The following IGBP1 variants were observed in gnomAD, a reference collection of about 807,000 sequenced individuals.
IGBP1 encodes immunoglobulin-binding protein 1.
In IGBP1, 2 loss-of-function variants were observed where a neutral mutation model predicts 25.9. The ratio of observed to expected loss-of-function variants is 0.08; its 90% CI spans 0.03 to 0.24. The LOEUF (loss-of-function observed/expected upper bound fraction) is 0.24. IGBP1 is among the 10% of genes least tolerant of loss of function. The pLI, the probability that IGBP1 is intolerant of heterozygous loss-of-function variation, is 1.00. For missense variants in IGBP1, 187 were observed against 260.4 expected, an observed-to-expected ratio of 0.72 and a Z score of 1.94; for synonymous variants, 96 against 93.4, an observed-to-expected ratio of 1.03 and a Z score of -0.16.
chrX:70,152,461 T>C (rs2085209128), intron 6 of IGBP1, among the ~76,000 whole-genome samples: 2 of 31,508 alleles, frequency 6.3e-5, no homozygotes, highest in Non-Finnish European at 1.0e-4. Context: ...CCTAAGCTAT[T>C]AGACATGAAA....
rs1569425676 is a variant in IGBP1, at chrX:70,165,810, CCTTT to C, written c.872-20_872-17del. 8.4e-7 allele frequency: 1 copy of C among 1,190,027 alleles called. No homozygotes were observed. The highest frequency in any genetic ancestry group is 1.8e-5 in the South Asian group (1 of 54,665). ...TAACATTCCCTCAATTTCTCACCTC[CCTTT>C]CTAATTTTTCCACTTTAGAGGAATT... On this transcript the variant is annotated intron_variant, in intron 6 of 6. Transcript: ENST00000356413.
At chrX:70,143,705 A>G (rs1409536444) in intron 3 of IGBP1, among the ~76,000 whole-genome samples, 2 of 103,358 alleles carry the variant, frequency 1.9e-5, no homozygotes, top group Admixed American at 1.0e-4. Context: ...TTGGAGCCCT[A>G]AAATTTCACT....
At chrX:70,157,280 A>G (rs2085247399) in intron 6 of IGBP1, among the ~76,000 whole-genome samples, 1 of 109,633 alleles carries the variant, frequency 9.1e-6, no homozygotes, top group Non-Finnish European at 1.9e-5. Context: ...GGGTGGGGGC[A>G]TAGGGAACAA....
intron 6 of IGBP1, among the ~76,000 whole-genome samples, chrX:70,157,496 A>C: frequency 8.9e-6 from 1 of 112,299 alleles, no homozygotes; most frequent in East Asian, 2.8e-4. Flanking sequence ...TATTTGTAAT[A>C]GTCCACACTG....
chrX:70,154,314 C>T (rs1280687991), intron 6 of IGBP1, among the ~76,000 whole-genome samples: 5 of 106,979 alleles, frequency 4.7e-5, no homozygotes, highest in African/African-American at 6.8e-5. Flanking sequence ...CCTTGTGATC[C>T]GCCCGCCTCG....
Position 70,134,784 on chromosome X carries a change from T to C in IGBP1, c.450T>C (p.Ala150=), listed in dbSNP as rs780014327. Residue 150 remains alanine (A), a synonymous_variant, in exon 3 of 7, where the codon GCT becomes GCC. Transcript: ENST00000356413. ...NSSMAYPSLV[A]MASQRQAKIQ... The stretch of plus-strand genomic sequence containing the variant: ...CCATGGCTTATCCTAGTCTCGTTGC[T>C]ATGGCATCTCAAAGACAGGCTAAAA... The C allele has an allele frequency of 2.5e-6, 3 of 1,211,713 alleles. No homozygotes were observed. The Admixed American group carries it at 6.5e-5, about 26-fold the overall frequency.
intron 3 of IGBP1, 110 bp downstream of exon 3, chrX:70,134,926 C>G: frequency 1.3e-6 from 1 of 766,514 alleles, no homozygotes; most frequent in East Asian, 3.2e-5. Flanking sequence ...TTTCTTGGTT[C>G]TTATTGAGCA....
At chrX:70,161,923 C>G (rs1295260091) in intron 6 of IGBP1, among the ~76,000 whole-genome samples, 2 of 111,484 alleles carry the variant, frequency 1.8e-5, no homozygotes, top group African/African-American at 6.5e-5. Flanking sequence ...GATTATCACA[C>G]TAGGAATAAA....
rs752235445 is a variant in IGBP1 at position 70,134,703 on chromosome X, G to A, written c.369G>A (p.Glu123=). Residue 123 remains glutamate, a synonymous_variant, in exon 3 of 7, where the codon GAG becomes GAA. Transcript: ENST00000356413. ...AGTGCCATTGCTATCATGTGGCAGAGTTTGAGCTGCCCAAAACCATGAACA... is the reference window on the plus strand; with the variant it reads ...AGTGCCATTGCTATCATGTGGCAGAATTTGAGCTGCCCAAAACCATGAACA... The part of the protein sequence containing the change: ...LTQCHCYHVA[E]FELPKTMNNS... 8 of 1,211,501 alleles carry A rather than the reference G, an allele frequency of 6.6e-6. No homozygotes were observed. The Admixed American group carries it at 1.1e-4, about 16-fold the overall frequency.
chrX:70,137,802 A>C (rs1602660594), intron 3 of IGBP1, among the ~76,000 whole-genome samples: 1 of 107,497 alleles, frequency 9.3e-6, no homozygotes, highest in East Asian at 2.9e-4. Context: ...GAGTGGTCAC[A>C]TCTGGTTGGA....
chrX:70,161,678 A>G (rs896390097), intron 6 of IGBP1, among the ~76,000 whole-genome samples: 7 of 112,248 alleles, frequency 6.2e-5, no homozygotes, highest in Admixed American at 9.5e-5. Context: ...CATCTAACAC[A>G]AAGCCTATTT....
At chrX:70,161,885 G>C (rs974527863) in intron 6 of IGBP1, among the ~76,000 whole-genome samples, 2 of 111,379 alleles carry the variant, frequency 1.8e-5, no homozygotes, top group Admixed American at 1.9e-4. Flanking sequence ...GGGAGAACTT[G>C]GGCAGGAAAG....
intron 3 of IGBP1, among the ~76,000 whole-genome samples, chrX:70,142,331 CAAAAAT>C (rs1338590830): frequency 1.8e-5 from 2 of 109,855 alleles, no homozygotes; most frequent in Non-Finnish European, 3.8e-5. Flanking sequence ...GACCCTGTCT[CAAAAAT>C]AAAGAGAAGA....
intron 5 of IGBP1, among the ~76,000 whole-genome samples, chrX:70,149,918 G>A (rs2085192106): frequency 9.0e-6 from 1 of 110,789 alleles, no homozygotes; most frequent in South Asian, 3.8e-4. Flanking sequence ...CCCATTCCAC[G>A]GTGTCTTCAC....
intron 6 of IGBP1, among the ~76,000 whole-genome samples, chrX:70,165,570 A>G (rs1209193990): frequency 1.8e-5 from 2 of 111,162 alleles, no homozygotes; most frequent in African/African-American, 6.6e-5. Context: ...CTTCCAAAAT[A>G]GAATTCATTC....
intron 4 of IGBP1, 67 bp downstream of exon 4, chrX:70,146,895 CTT>C (rs2085170476): frequency 1.2e-6 from 1 of 807,836 alleles, no homozygotes; most frequent in Admixed American, 2.4e-5. Flanking sequence ...AATTAAGATC[CTT>C]TTAAGTCTCC....
rs767087649 is a variant in IGBP1, at chrX:70,134,439, A to G, written c.189-84A>G. ...CCTCCCTCTGGTCCACTCCCAGCCCAGCCTCCCACTCCGTCCCCCAGAAAG... is the reference window on the plus strand; with the variant it reads ...CCTCCCTCTGGTCCACTCCCAGCCCGGCCTCCCACTCCGTCCCCCAGAAAG... On this transcript the variant is annotated intron_variant, in intron 2 of 6. Transcript: ENST00000356413. 1.7e-5 allele frequency: 17 copies of G among 1,005,729 alleles called. No homozygotes were observed. The East Asian group carries it at 3.6e-4, about 21-fold the overall frequency. 82.9% of individuals were successfully genotyped at this position (1,005,729 alleles called of 1,213,427 possible). A position where few individuals can be genotyped will look rare whatever the true frequency, so the allele number is the denominator to read the frequency against.
At chrX:70,150,483 G>A (rs1484506195) in intron 6 of IGBP1, among the ~76,000 whole-genome samples, 161 bp downstream of exon 6, 1 of 111,631 alleles carries the variant, frequency 9.0e-6, no homozygotes, top group Non-Finnish European at 1.9e-5. Flanking sequence ...TTATTAAATA[G>A]CAAATGGTTA....
At chrX:70,158,938 G>C (rs1200221113) in intron 6 of IGBP1, among the ~76,000 whole-genome samples, 1 of 112,219 alleles carries the variant, frequency 8.9e-6, no homozygotes, top group Non-Finnish European at 1.9e-5. Context: ...GAGAAAAAGG[G>C]AACAGAAAAT....
Sources: gnomAD v4.1 joint callset for allele counts (sites outside exome capture counted in the v4.1 genomes callset) on GRCh38, gnomAD v4.1.1 for gene constraint, MANE v1.5 for transcripts, NCBI Gene and HGNC (gene_info 2026-07-23, HGNC 2026-07-21) for gene names.